LINGO1: variants seen among roughly 807,000 people sequenced by gnomAD.
LINGO1 encodes the protein leucine-rich repeat and immunoglobulin-like domain-containing nogo receptor-interacting protein 1.
LINGO1 carries 11 observed loss-of-function variants against 37.3 expected under a neutral mutation model. The observed-to-expected ratio is 0.29, with a 90% CI of 0.19 to 0.49. The LOEUF is 0.49. LINGO1 is among the 20% of genes least tolerant of loss of function. LINGO1 has a pLI of 0.99. For missense variants in LINGO1, 585 were observed against 878.2 expected (o/e 0.67, Z 4.22); for synonymous variants, 387 against 403.0 (o/e 0.96, Z 0.48).
intron 1 of LINGO1, among the ~76,000 whole-genome samples, chr15:77,817,217 G>A (rs2077055974): frequency 6.6e-6 from 1 of 152,220 alleles, no homozygotes; most frequent in Admixed American, 6.5e-5. Context: ...ACTGAGGGAA[G>A]TCACAGAAGC....
Position 77,818,705 on chromosome 15 carries a change from GC to G in LINGO1, c.-458+1552del, listed in dbSNP as rs201879176. Among the ~76,000 whole-genome samples, 1,415 of 152,176 alleles carry G rather than the reference GC, an allele frequency of 9.3e-3. 9 individuals carry two copies. The highest frequency in any genetic ancestry group is 0.021 in the South Asian group (99 of 4,818). On this transcript the variant is annotated intron_variant, in intron 1 of 5. Transcript: ENST00000562933. ...CCTCCTGCCTGCAAAGACATCCCAG[GC>G]CCTGGGCCTGGGAGCTGTCCCCGCG...
At chr15:77,688,959 G>C (rs181404976) in intron 2 of LINGO1, among the ~76,000 whole-genome samples, 60 of 152,312 alleles carry the variant, frequency 3.9e-4, no homozygotes, top group African/African-American at 1.3e-3. Context: ...TGCACACTGG[G>C]CCTTGGTCTT....
At chr15:77,628,611 G>A (rs2074163089) in intron 1 of LINGO1, among the ~76,000 whole-genome samples, 1 of 152,222 alleles carries the variant, frequency 6.6e-6, no homozygotes, top group African/African-American at 2.4e-5. Context: ...GGGGTGTGCA[G>A]GAGCACATGG....
At chr15:77,686,695 C>T (rs2075516848) in intron 2 of LINGO1, among the ~76,000 whole-genome samples, 1 of 152,186 alleles carries the variant, frequency 6.6e-6, no homozygotes, top group Non-Finnish European at 1.5e-5. Flanking sequence ...CCCATGGGCA[C>T]CATCCTTGCC....
chr15:77,773,701 C>T (rs1395917942), intron 1 of LINGO1, among the ~76,000 whole-genome samples: 3 of 152,078 alleles, frequency 2.0e-5, no homozygotes, highest in Non-Finnish European at 4.4e-5. Flanking sequence ...TGCCTGGGGT[C>T]ACACTTGCCT....
chr15:77,725,313 CA>C (rs2076091788), intron 2 of LINGO1, among the ~76,000 whole-genome samples: 3 of 152,208 alleles, frequency 2.0e-5, no homozygotes, highest in African/African-American at 4.8e-5. Flanking sequence ...CCCAACACTT[CA>C]GGAGGCCAAG....
chr15:77,628,379 G>C (rs1045791238), intron 1 of LINGO1, among the ~76,000 whole-genome samples: 2 of 152,172 alleles, frequency 1.3e-5, no homozygotes, highest in East Asian at 1.9e-4. Flanking sequence ...CAGTGAAAAT[G>C]AGCTACAACT....
intron 3 of LINGO1, among the ~76,000 whole-genome samples, chr15:77,660,846 C>T (rs984352714): frequency 2.6e-5 from 4 of 152,076 alleles, no homozygotes; most frequent in Non-Finnish European, 4.4e-5. Context: ...CTGCCTGGAG[C>T]ACAGGCCTCT....
upstream of LINGO1, among the ~76,000 whole-genome samples, chr15:77,700,218 C>T (rs2075764882): frequency 6.6e-6 from 1 of 152,214 alleles, no homozygotes. Context: ...CTCCCCCCAA[C>T]ACACCTCTCC....
chr15:77,745,343 G>A lies in LINGO1; in HGVS notation c.-256-10290C>T, dbSNP rs990030046. Among the ~76,000 whole-genome samples the A allele has an allele frequency of 1.5e-4, 22 of 148,790 alleles. No individual in the cohort carries two copies. The South Asian group carries it at 1.8e-3, about 12-fold the overall frequency. The stretch of plus-strand genomic sequence containing the variant: ...TGGAAGGCTGAGGCAGGAGAATGGC[G>A]TGAACCCGGGAGGTGGAGCTTGCAG... On this transcript the variant is annotated intron_variant, in intron 1 of 3. Coordinates refer to the LINGO1 transcript ENST00000561686.
intron 1 of LINGO1, among the ~76,000 whole-genome samples, chr15:77,748,478 G>A (rs569976526): frequency 6.6e-6 from 1 of 152,162 alleles, no homozygotes; most frequent in Non-Finnish European, 1.5e-5. Context: ...CTCAGGGCCC[G>A]CCCTCAAGGT....
rs2074285307 is a variant in LINGO1 at position 77,632,422 on chromosome 15, C to T, written c.-107G>A. On this transcript the variant is annotated 5_prime_UTR_variant, in exon 1 of 2. Coordinates refer to ENST00000355300, the MANE Select transcript of LINGO1 (RefSeq NM_032808.7). This position sits in a 1 kb window ranked among gnomAD's most constrained non-coding sequence, Gnocchi z 6.0. Reference sequence around the variant, plus strand: ...CCAGCCCCCTCCTCCGTTTCCTCCTCCTCCGACACCTCCGCCCGGCAGTCC... The same window carrying T: ...CCAGCCCCCTCCTCCGTTTCCTCCTTCTCCGACACCTCCGCCCGGCAGTCC... The T allele has an allele frequency of 2.6e-6, 3 of 1,160,442 alleles. No individual in the cohort carries two copies. The East Asian group carries it at 9.9e-5, about 38-fold the overall frequency. 71.9% of individuals were successfully genotyped at this position (1,160,442 alleles called of 1,614,324 possible).
At chr15:77,805,413 A>T (rs909326691) in intron 1 of LINGO1, among the ~76,000 whole-genome samples, 8 of 152,096 alleles carry the variant, frequency 5.3e-5, no homozygotes, top group Non-Finnish European at 1.0e-4. Context: ...CAAGAGGGTT[A>T]CTCTGAATGA....
chr15:77,814,785 T>C (rs1463325227), intron 1 of LINGO1, among the ~76,000 whole-genome samples: 1 of 152,206 alleles, frequency 6.6e-6, no homozygotes, highest in East Asian at 1.9e-4. Flanking sequence ...GAGGAGCCAC[T>C]CCATACCCCA....
At chr15:77,674,413 C>A (rs2075297460) in intron 3 of LINGO1, among the ~76,000 whole-genome samples, 1 of 152,232 alleles carries the variant, frequency 6.6e-6, no homozygotes, top group South Asian at 2.1e-4. Context: ...CTACGCAGAA[C>A]CTTCCATGGC....
At chr15:77,682,931 A>G (rs2075442266) in intron 2 of LINGO1, among the ~76,000 whole-genome samples, 1 of 152,092 alleles carries the variant, frequency 6.6e-6, no homozygotes, top group South Asian at 2.1e-4. Context: ...GATACCACAG[A>G]CAAAGTTAAA....
rs772742302 is a variant in LINGO1, at chr15:77,614,898, G to A, written c.1009C>T (p.Leu337=). The A allele has an allele frequency of 2.5e-6, 4 of 1,614,008 alleles. No homozygotes were observed. The East Asian group carries it at 8.9e-5, about 36-fold the overall frequency. Residue 337 remains leucine, a synonymous_variant, in exon 2 of 2, where the codon CTG becomes TTG. Coordinates refer to ENST00000355300, the MANE Select transcript of LINGO1 (RefSeq NM_032808.7). ...EPYAFRGLNY[L]RVLNVSGNQL... ...TTGCCAGAGACATTGAGCACGCGCA[G>A]GTAGTTGAGGCCGCGGAAGGCATAG...
intron 1 of LINGO1, among the ~76,000 whole-genome samples, chr15:77,771,224 T>C (rs916648224): frequency 2.0e-5 from 3 of 152,208 alleles, no homozygotes; most frequent in African/African-American, 7.2e-5. Context: ...GAATTTTATA[T>C]TTGCAACCAC....
intron 1 of LINGO1, among the ~76,000 whole-genome samples, chr15:77,818,511 G>A (rs912299699): frequency 1.3e-5 from 2 of 152,238 alleles, no homozygotes; most frequent in Non-Finnish European, 2.9e-5. Context: ...GGCAGACCTG[G>A]AGACGCCCCC....
Sources: allele counts gnomAD v4.1 joint callset (sites outside exome capture counted in the v4.1 genomes callset), GRCh38; gene constraint gnomAD v4.1.1; non-coding constraint Gnocchi (gnomAD v3.1); transcripts MANE v1.5; gene names NCBI Gene and HGNC (gene_info 2026-07-23, HGNC 2026-07-21).